SNX9: variants seen among roughly 807,000 people sequenced by gnomAD.
SNX9 encodes sorting nexin-9.
In SNX9, 44 loss-of-function variants were observed where a neutral mutation model predicts 89.4. The ratio of observed to expected loss-of-function variants is 0.49; its 90% CI spans 0.39 to 0.63. The LOEUF (loss-of-function observed/expected upper bound fraction) is 0.63, where lower values mean the gene tolerates loss of function less well. Among genes scored for constraint, SNX9 ranks in the 30% least tolerant of loss-of-function variants. The pLI, the probability that SNX9 is intolerant of heterozygous loss-of-function variation, is 0.00. For missense variants in SNX9, 578 were observed against 736.1 expected, an observed-to-expected ratio of 0.79 and a Z score of 2.49; for synonymous variants, 236 against 247.8, an observed-to-expected ratio of 0.95 and a Z score of 0.45.
intron 9 of SNX9, among the ~76,000 whole-genome samples, chr6:157,913,520 A>C (rs1783394654): frequency 6.6e-6 from 1 of 152,112 alleles, no homozygotes; most frequent in Non-Finnish European, 1.5e-5. Context: ...TTTTATTTTT[A>C]AACTTAGGTA....
At chr6:157,934,832 T>C (rs1463129702) in intron 13 of SNX9, among the ~76,000 whole-genome samples, 1 of 152,142 alleles carries the variant, frequency 6.6e-6, no homozygotes, top group Non-Finnish European at 1.5e-5. Context: ...CTGTTAAAGC[T>C]CTAGAAACAG....
At chr6:157,831,923 G>A (rs1253755128) in intron 1 of SNX9, among the ~76,000 whole-genome samples, 1 of 152,206 alleles carries the variant, frequency 6.6e-6, no homozygotes, top group Non-Finnish European at 1.5e-5. Flanking sequence ...GTGTTAATCT[G>A]ATCTTTGCAG....
intron 4 of SNX9, among the ~76,000 whole-genome samples, chr6:157,894,189 A>C (rs1482934724): frequency 2.2e-5 from 3 of 136,824 alleles, no homozygotes; most frequent in Admixed American, 1.6e-4. Context: ...AGCTCATTGC[A>C]ATCTCCGCCT....
At chr6:157,877,961 AT>A (rs1242451354) in intron 4 of SNX9, among the ~76,000 whole-genome samples, 17 of 152,184 alleles carry the variant, frequency 1.1e-4, no homozygotes, top group Admixed American at 1.0e-3. Flanking sequence ...TGAATAACTT[AT>A]TTCGAGCCTG....
rs1489861306 is a variant in SNX9, at chr6:157,927,203, C to G, written c.1173C>G (p.Asp391Glu). 4.3e-6 allele frequency: 7 copies of G among 1,611,872 alleles called. No homozygotes were observed. The highest frequency in any genetic ancestry group is 1.3e-5 in the African/African-American group (1 of 74,864). ...STMEPEAPDL[D>E]LVEIEQKCEA... The stretch of plus-strand genomic sequence containing the variant: ...TGGAACCAGAGGCACCTGACTTGGA[C>G]TTAGTAGAAATGTGAGAGACGCTGC... Residue 391 changes from aspartate (D) to glutamate (E), a missense_variant, in exon 11 of 18, where the codon GAC becomes GAG. By Grantham distance (45) the Asp-to-Glu change is conservative. Transcript: ENST00000392185.
intron 4 of SNX9, among the ~76,000 whole-genome samples, chr6:157,886,392 T>A (rs1319403488): frequency 6.6e-6 from 1 of 152,230 alleles, no homozygotes; most frequent in Admixed American, 6.5e-5. Context: ...TAAAGTAACC[T>A]TTTATTTTAT....
intron 4 of SNX9, among the ~76,000 whole-genome samples, chr6:157,886,683 C>T (rs9347731): frequency 0.046 from 7,022 of 152,238 alleles, 204 homozygotes; most frequent in East Asian, 0.11. Flanking sequence ...TTAATTATGT[C>T]GAATTCCAAT....
chr6:157,908,932 C>G (rs1400431376), intron 7 of SNX9, among the ~76,000 whole-genome samples: 1 of 152,202 alleles, frequency 6.6e-6, no homozygotes, highest in African/African-American at 2.4e-5. Flanking sequence ...GCAAGCCTTG[C>G]CCAGGTGGAC....
At chr6:157,921,430 C>T (rs1175823620) in intron 9 of SNX9, 101 bp from the exon 10 acceptor site, 2 of 1,218,054 alleles carry the variant, frequency 1.6e-6, no homozygotes, top group Non-Finnish European at 1.1e-6. Flanking sequence ...AGCTTTCTAC[C>T]CAATAGCCAG....
chr6:157,823,422 G>A lies in SNX9; in HGVS notation c.-13G>A. 1 of 1,249,956 alleles carries A rather than the reference G, an allele frequency of 8.0e-7. No homozygotes were observed. The highest frequency in any genetic ancestry group is 2.4e-5 in the South Asian group (1 of 41,536). 77.4% of individuals were successfully genotyped at this position (1,249,956 alleles called of 1,614,324 possible). ...GACGAGCCGGCCGTCCCGGGCCGGG[G>A]GACCCGCCCGCCATGGCCACCAAGG... On this transcript the variant is annotated 5_prime_UTR_variant, in exon 1 of 18. Transcript: ENST00000392185. This position sits in a 1 kb window ranked among gnomAD's most constrained non-coding sequence, Gnocchi z 4.6.
At chr6:157,824,369 G>T (rs939282814) in intron 1 of SNX9, among the ~76,000 whole-genome samples, 2 of 152,154 alleles carry the variant, frequency 1.3e-5, no homozygotes, top group African/African-American at 4.8e-5. Context: ...CTATACCTGA[G>T]CCATTAACTG....
At chr6:157,856,725 T>G (rs897836806) in intron 1 of SNX9, among the ~76,000 whole-genome samples, 16 of 152,226 alleles carry the variant, frequency 1.1e-4, no homozygotes, top group Non-Finnish European at 2.2e-4. Context: ...TGTAGTACCT[T>G]GATTTCTTAC....
intron 5 of SNX9, among the ~76,000 whole-genome samples, chr6:157,900,627 G>C (rs1186306994): frequency 6.6e-6 from 1 of 152,104 alleles, no homozygotes; most frequent in Non-Finnish European, 1.5e-5. Context: ...GGGATTTAGG[G>C]TCATTTGATT....
chr6:157,893,022 A>C (rs1782896479), intron 4 of SNX9, among the ~76,000 whole-genome samples: 1 of 152,212 alleles, frequency 6.6e-6, no homozygotes, highest in South Asian at 2.1e-4. Flanking sequence ...TACCAATGAT[A>C]GTCTGTCCCT....
At chr6:157,878,403 T>G (rs1782558385) in intron 4 of SNX9, among the ~76,000 whole-genome samples, 1 of 152,230 alleles carries the variant, frequency 6.6e-6, no homozygotes, top group Admixed American at 6.5e-5. Flanking sequence ...AGCATTTTTT[T>G]TATGATCTTG....
chr6:157,928,268 G>A (rs1161957817), intron 11 of SNX9, among the ~76,000 whole-genome samples: 2 of 151,996 alleles, frequency 1.3e-5, no homozygotes, highest in Non-Finnish European at 2.9e-5. Flanking sequence ...AGCAACCCCT[G>A]TTATTCTTTT....
At chr6:157,926,677 G>A (rs1783698717) in intron 10 of SNX9, among the ~76,000 whole-genome samples, 2 of 151,468 alleles carry the variant, frequency 1.3e-5, no homozygotes, top group Non-Finnish European at 2.9e-5. Flanking sequence ...AGCTACTTGG[G>A]GGCTGAGGTG....
chr6:157,879,485 A>G (rs777744380), intron 4 of SNX9, among the ~76,000 whole-genome samples: 58 of 152,210 alleles, frequency 3.8e-4, no homozygotes, highest in Non-Finnish European at 6.9e-4. Flanking sequence ...CAGGAACTGA[A>G]TCAAACTCTC....
chr6:157,906,009 A>T, intron 6 of SNX9, 119 bp from the exon 7 acceptor site: 1 of 720,742 alleles, frequency 1.4e-6, no homozygotes, highest in Admixed American at 3.3e-5. Context: ...CACAGTTTCC[A>T]GTTCTAGTGC....
Sources: allele counts gnomAD v4.1 joint callset (sites outside exome capture counted in the v4.1 genomes callset), GRCh38; gene constraint gnomAD v4.1.1; non-coding constraint Gnocchi (gnomAD v3.1); transcripts MANE v1.5; gene names NCBI Gene and HGNC (gene_info 2026-07-23, HGNC 2026-07-21).